AKT3: variants seen among roughly 807,000 people sequenced by gnomAD.
AKT3 encodes the protein AKT serine/threonine kinase 3.
A neutral mutation model predicts 65.3 loss-of-function variants in AKT3; 15 were observed. The ratio of observed to expected loss-of-function variants is 0.23; its 90% CI spans 0.15 to 0.35. The LOEUF is 0.35. AKT3 is among the 10% of genes least tolerant of loss of function. AKT3 has a pLI of 1.00. For missense variants in AKT3, 243 were observed against 576.5 expected (o/e 0.42, Z 5.92); for synonymous variants, 206 against 183.8 (o/e 1.12, Z -0.98).
chr1:243,525,768 T>TAAGG (rs1553395661), intron 12 of AKT3, among the ~76,000 whole-genome samples: 1 of 4,144 alleles, frequency 2.4e-4, no homozygotes. Context: ...CTTCCAAAAG[T>TAAGG]AAGAAAGAAA....
chr1:243,626,213 C>T (rs564069661), intron 6 of AKT3, among the ~76,000 whole-genome samples: 1 of 152,200 alleles, frequency 6.6e-6, no homozygotes, highest in South Asian at 2.1e-4. Context: ...ATGGGTCTTA[C>T]AGATGCTAAG....
chr1:243,607,827 G>C (rs781752077), intron 8 of AKT3, among the ~76,000 whole-genome samples: 1 of 152,046 alleles, frequency 6.6e-6, no homozygotes. Flanking sequence ...TTTAATTATG[G>C]GGGTGGTTAC....
At chr1:243,635,038 G>C (rs975600697) in intron 6 of AKT3, among the ~76,000 whole-genome samples, 1 of 151,876 alleles carries the variant, frequency 6.6e-6, no homozygotes, top group Non-Finnish European at 1.5e-5. Flanking sequence ...CAAGTGCATA[G>C]GGGACGTTCT....
intron 2 of AKT3, among the ~76,000 whole-genome samples, chr1:243,703,363 G>C (rs1011938343): frequency 6.6e-6 from 1 of 152,090 alleles, no homozygotes; most frequent in African/African-American, 2.4e-5. Flanking sequence ...TTTATACAGA[G>C]GAGTACAATT....
At chr1:243,572,617 TAAACATAATA>T (rs1398181669) in intron 9 of AKT3, among the ~76,000 whole-genome samples, 1 of 152,266 alleles carries the variant, frequency 6.6e-6, no homozygotes, top group East Asian at 1.9e-4. Context: ...AACATTTCTG[TAAACATAATA>T]AAACTTGTTT....
intron 2 of AKT3, among the ~76,000 whole-genome samples, chr1:243,697,335 C>G (rs1363964894): frequency 6.6e-6 from 1 of 151,872 alleles, no homozygotes; most frequent in Admixed American, 6.6e-5. Context: ...CAACATCCTG[C>G]TGCAGTATGT....
intron 2 of AKT3, among the ~76,000 whole-genome samples, chr1:243,697,788 TC>T (rs930746641): frequency 3.3e-5 from 5 of 152,064 alleles, no homozygotes. Flanking sequence ...GCTTAAAAGC[TC>T]AATTTCCATC....
At chr1:243,746,252 G>C (rs886357229) in intron 2 of AKT3, among the ~76,000 whole-genome samples, 1 of 151,234 alleles carries the variant, frequency 6.6e-6, no homozygotes, top group Admixed American at 6.6e-5. Context: ...ATCAGTCCCA[G>C]GTCTTTTTAG....
chr1:243,809,551 CAA>C (rs1402569906), intron 2 of AKT3, among the ~76,000 whole-genome samples: 1 of 152,204 alleles, frequency 6.6e-6, no homozygotes, highest in Non-Finnish European at 1.5e-5. Context: ...TAGAGACCTA[CAA>C]AGAGACTTAG....
intron 4 of AKT3, among the ~76,000 whole-genome samples, chr1:243,659,494 T>C (rs1682104680): frequency 6.6e-6 from 1 of 152,294 alleles, no homozygotes; most frequent in African/African-American, 2.4e-5. Flanking sequence ...GATATGTTGC[T>C]ATATTAACAG....
intron 2 of AKT3, among the ~76,000 whole-genome samples, chr1:243,783,891 A>T (rs1691076105): frequency 1.3e-5 from 2 of 152,206 alleles, no homozygotes; most frequent in African/African-American, 4.8e-5. Context: ...CCATGGGAAA[A>T]TGTACAAATT....
intron 8 of AKT3, among the ~76,000 whole-genome samples, chr1:243,594,644 C>T (rs1558640525): frequency 6.6e-6 from 1 of 152,198 alleles, no homozygotes; most frequent in African/African-American, 2.4e-5. Flanking sequence ...GTTGTCCAGT[C>T]TGCAATGCAG....
At chr1:243,809,030 G>A (rs1336898733) in intron 2 of AKT3, among the ~76,000 whole-genome samples, 1 of 152,128 alleles carries the variant, frequency 6.6e-6, no homozygotes, top group African/African-American at 2.4e-5. Context: ...TCCTGAAGGA[G>A]GCGCTAAACA....
intron 2 of AKT3, among the ~76,000 whole-genome samples, chr1:243,803,953 C>T (rs1264847640): frequency 1.3e-5 from 2 of 152,170 alleles, no homozygotes; most frequent in Admixed American, 6.5e-5. Flanking sequence ...GCCGTGATGA[C>T]GTTGCCCTGA....
At chr1:243,755,546 ATACATT>A (rs1408179492) in intron 2 of AKT3, among the ~76,000 whole-genome samples, 1 of 152,176 alleles carries the variant, frequency 6.6e-6, no homozygotes, top group Non-Finnish European at 1.5e-5. Context: ...AAACTATTGG[ATACATT>A]TAGAGCTTCA....
chr1:243,672,368 A>C lies in AKT3; in HGVS notation c.173-7485T>G, dbSNP rs1442421091. On this transcript the variant is annotated intron_variant, in intron 3 of 13. Transcript: ENST00000673466. The stretch of plus-strand genomic sequence containing the variant: ...AAAGTTCAATTACTAATAATGGAAA[A>C]GTGATCTGCAGACTCACATCAATCC... Among the ~76,000 whole-genome samples, 3 of 152,332 alleles carry C rather than the reference A, an allele frequency of 2.0e-5. No homozygotes were observed. In the East Asian group the frequency reaches 5.8e-4, roughly 29 times the overall value.
At position 243,549,652 on chromosome 1, in the gene AKT3, C is replaced by A. The variant is rs369304677; in HGVS notation, c.1163+3077G>T. 6.6e-5 allele frequency among the ~76,000 whole-genome samples: 10 copies of A among 151,902 alleles called. No homozygotes were observed. In the East Asian group the frequency reaches 1.9e-3, roughly 29 times the overall value. ...TGTGCCCAGGTTGGTCTTGAACTCC[C>A]GACCTCAAGTGACCTTCTTGCCTCG... is the stretch of plus-strand genomic sequence containing the variant. On this transcript the variant is annotated intron_variant, in intron 11 of 13. Transcript: ENST00000673466.
At chr1:243,850,452 G>A (rs1001194352), upstream of AKT3, among the ~76,000 whole-genome samples, 3 of 151,332 alleles carry the variant, frequency 2.0e-5, no homozygotes, top group Non-Finnish European at 4.4e-5. Flanking sequence ...ACGCCGGCGG[G>A]GCGGCGGCTC....
At position 243,728,895 on chromosome 1, in the gene AKT3, A is replaced by G. The variant is rs115998672; in HGVS notation, c.47-33179T>C. 4.7e-3 allele frequency among the ~76,000 whole-genome samples: 722 copies of G among 152,286 alleles called. 6 individuals carry two copies. Among genetic ancestry groups the G allele is most frequent in the African/African-American group, 0.017 (698 of 41,560 alleles). On this transcript the variant is annotated intron_variant, in intron 2 of 13. Transcript: ENST00000673466. ...GGAAAGGAGTCCTCCATGGAGTCAC[A>G]TGGCCCTCCAATAAGTAGGCATCAG...
Sources: gnomAD v4.1 joint callset for allele counts (sites outside exome capture counted in the v4.1 genomes callset) on GRCh38, gnomAD v4.1.1 for gene constraint, MANE v1.5 for transcripts, NCBI Gene and HGNC (gene_info 2026-07-23, HGNC 2026-07-21) for gene names.